TRPM2: variants seen among roughly 807,000 people sequenced by gnomAD.
The protein encoded by TRPM2 is transient receptor potential cation channel subfamily M member 2.
A neutral mutation model predicts 174.0 loss-of-function variants in TRPM2; 161 were observed. That is an observed-to-expected ratio of 0.93 (90% confidence interval 0.81 to 1.05). TRPM2 has a LOEUF of 1.05. Among genes scored for constraint, TRPM2 ranks in the 50% least tolerant of loss-of-function variants. The probability of loss-of-function intolerance (pLI) is 0.00; values close to 1 mark genes in which losing one functional copy is unlikely to be tolerated. For missense variants in TRPM2, 2,057 were observed against 2,038.0 expected (o/e 1.01, Z -0.18); for synonymous variants, 954 against 861.3 (o/e 1.11, Z -1.88).
At chr21:44,388,533 G>C (rs540467894) in intron 9 of TRPM2, among the ~76,000 whole-genome samples, 1 of 151,454 alleles carries the variant, frequency 6.6e-6, no homozygotes, top group African/African-American at 2.4e-5. Context: ...TGAACTGTAC[G>C]CTTAAAAATA....
At chr21:44,421,191 G>A (rs529244715) in intron 22 of TRPM2, among the ~76,000 whole-genome samples, 20 of 152,210 alleles carry the variant, frequency 1.3e-4, no homozygotes, top group African/African-American at 3.9e-4. Flanking sequence ...GGTGGCGTGC[G>A]CTTGTAATCC....
rs561851991 is a variant in TRPM2 at position 44,413,886 on chromosome 21, G to A, written c.2963-5G>A. The A allele has an allele frequency of 1.5e-5, 24 of 1,606,832 alleles. No homozygotes were observed. The highest frequency in any genetic ancestry group is 7.7e-5 in the South Asian group (7 of 90,896). On this transcript the variant is annotated splice_polypyrimidine_tract_variant and splice_region_variant and intron_variant, in intron 19 of 31. Coordinates refer to ENST00000397928, the MANE Select transcript of TRPM2 (RefSeq NM_003307.4). ...TGGCTCACCCACCCCCATTCCCAACGCCAGGTGTGAACTTCAACCCGGAGC... is the reference window on the plus strand; with the variant it reads ...TGGCTCACCCACCCCCATTCCCAACACCAGGTGTGAACTTCAACCCGGAGC...
At chr21:44,412,737 C>T (rs2146325073) in intron 19 of TRPM2, among the ~76,000 whole-genome samples, 1 of 151,984 alleles carries the variant, frequency 6.6e-6, no homozygotes, top group South Asian at 2.1e-4. Flanking sequence ...CTCTTTGATT[C>T]CTAACTTCTT....
intron 18 of TRPM2, 106 bp downstream of exon 18, chr21:44,406,143 G>T (rs886807217): frequency 2.1e-6 from 3 of 1,420,262 alleles, no homozygotes; most frequent in Non-Finnish European, 2.9e-6. Context: ...AAACACACCT[G>T]TAGGTTCCCC....
rs754055260 is a variant in TRPM2, at chr21:44,399,253, T to C, written c.2063-43T>C. On this transcript the variant is annotated intron_variant, in intron 13 of 31. Coordinates refer to ENST00000397928, the MANE Select transcript of TRPM2 (RefSeq NM_003307.4). The surrounding 1 kb of genome is among the most constrained non-coding windows in gnomAD (Gnocchi z 4.6). ...CTGACCCGTCCCCAGGGCTCAGTGA[T>C]TGTGACCTGCTGCTCTGACGGGGCT... 6.3e-7 allele frequency: 1 copy of C among 1,587,908 alleles called. No individual in the cohort carries two copies. Among genetic ancestry groups the C allele is most frequent in the Non-Finnish European group, 8.6e-7 (1 of 1,164,330 alleles).
chr21:44,361,411 C>T (rs1326244306), intron 2 of TRPM2, among the ~76,000 whole-genome samples: 3 of 152,188 alleles, frequency 2.0e-5, no homozygotes, highest in African/African-American at 4.8e-5. Flanking sequence ...CCACACTCGG[C>T]GTTGTGTCAA....
In TRPM2 at chr21:44,413,903, A is replaced by G. The variant is rs753891449; in HGVS notation, c.2975A>G (p.Asn992Ser). 4.3e-6 allele frequency: 7 copies of G among 1,612,040 alleles called. No individual in the cohort carries two copies. The South Asian group carries it at 6.6e-5, about 15-fold the overall frequency. Reference protein sequence around the residue: ...IPGYIDGVNFNPEHCSPNGTD... With the variant: ...IPGYIDGVNFSPEHCSPNGTD... ...TTCCCAACGCCAGGTGTGAACTTCA[A>G]CCCGGAGCACTGCAGCCCCAATGGC... The change falls in exon 20 of 32, where the codon AAC becomes AGC. Residue 992 changes from asparagine (N) to serine (S), a missense_variant. Physicochemically the swap from Asn to Ser is conservative, Grantham distance 46 (BLOSUM62 1). Coordinates refer to ENST00000397928, the MANE Select transcript of TRPM2 (RefSeq NM_003307.4).
rs1019363269 is a variant in TRPM2, at chr21:44,440,990, TG to T, written c.4386+90del. 119 of 1,150,682 alleles carry T rather than the reference TG, an allele frequency of 1.0e-4. No homozygotes were observed. In the African/African-American group the frequency reaches 1.5e-3, roughly 15 times the overall value. 71.3% of individuals were successfully genotyped at this position (1,150,682 alleles called of 1,614,324 possible). On this transcript the variant is annotated intron_variant, in intron 31 of 31. Transcript: ENST00000397928. ...CCTCCGGGGAGGGGGTTGGCAGGGATGGGGGTCTGGATTCTGGCAGGCTGAA... is the reference window on the plus strand; with the variant it reads ...CCTCCGGGGAGGGGGTTGGCAGGGATGGGGTCTGGATTCTGGCAGGCTGAA...
At chr21:44,429,850 C>T (rs1194667357) in intron 27 of TRPM2, among the ~76,000 whole-genome samples, 1 of 152,038 alleles carries the variant, frequency 6.6e-6, no homozygotes, top group Non-Finnish European at 1.5e-5. Flanking sequence ...GTAATATTAA[C>T]AGGCTTCCTT....
chr21:44,387,194 C>T (rs2049040279), intron 9 of TRPM2, among the ~76,000 whole-genome samples: 1 of 152,014 alleles, frequency 6.6e-6, no homozygotes, highest in African/African-American at 2.4e-5. Context: ...TCAAAAAAAT[C>T]CCAAAAAGAT....
In TRPM2 at chr21:44,437,091, G is replaced by T. The variant is rs2051299049; in HGVS notation, c.4091G>T (p.Cys1364Phe). Residue 1364 changes from cysteine (C) to phenylalanine (F), a missense_variant, in exon 29 of 32, where the codon TGC becomes TTC. Physicochemically the swap from Cys to Phe is radical, Grantham distance 205 (BLOSUM62 -2). Coordinates refer to ENST00000397928, the MANE Select transcript of TRPM2 (RefSeq NM_003307.4). ...AGGCGGAACGAGGATGGAGCCATCTGCAGGAAGAGCATAAAGAAGATGCTG... is the reference window on the plus strand; with the variant it reads ...AGGCGGAACGAGGATGGAGCCATCTTCAGGAAGAGCATAAAGAAGATGCTG... ...RWRRNEDGAI[C>F]RKSIKKMLEV... is the part of the protein sequence containing the mutation. 1.3e-6 allele frequency: 2 copies of T among 1,551,170 alleles called. No homozygotes were observed. Among genetic ancestry groups the T allele is most frequent in the East Asian group, 2.4e-5 (1 of 40,900 alleles).
In TRPM2 at chr21:44,353,727, T is replaced by A; in HGVS notation, c.27T>A (p.Ala9=). The A allele has an allele frequency of 6.4e-7, 1 of 1,564,064 alleles. No individual in the cohort carries two copies. The highest frequency in any genetic ancestry group is 2.4e-5 in the East Asian group (1 of 41,182). Residue 9 remains alanine, a synonymous_variant, in exon 1 of 32, where the codon GCT becomes GCA. Coordinates refer to ENST00000397928, the MANE Select transcript of TRPM2 (RefSeq NM_003307.4). MEPSALRK[A]GSEQEEGFEG... ...TGGAGCCCTCAGCCCTGAGGAAAGC[T>A]GGCTCGGAGCAGGAGGAGGGCTTTG...
Position 44,440,647 on chromosome 21 carries a change from G to A in TRPM2, c.4270-142G>A, listed in dbSNP as rs924372456. ...GCCTTGCAGGCCCAGGCAGGCTGGC[G>A]GGGGCTGGGGAGAGCTGGGCCGGGG... On this transcript the variant is annotated intron_variant, in intron 30 of 31. Coordinates refer to ENST00000397928, the MANE Select transcript of TRPM2 (RefSeq NM_003307.4). 2.5e-5 allele frequency: 18 copies of A among 731,588 alleles called. No homozygotes were observed. The East Asian group carries it at 4.1e-4, about 17-fold the overall frequency. 45.3% of individuals were successfully genotyped at this position (731,588 alleles called of 1,614,324 possible).
rs576003315 is a variant in TRPM2 at position 44,391,868 on chromosome 21, A to C, written c.1794+243A>C. On this transcript the variant is annotated intron_variant, in intron 11 of 31. Transcript: ENST00000397928. This position sits in a 1 kb window ranked among gnomAD's most constrained non-coding sequence, Gnocchi z 5.0. ...GCACCAGCAGGGCTGGCTTCTGGCC[A>C]GGGCCTCTTCTTGCTTGCACGTGGC... Among the ~76,000 whole-genome samples, 134 of 152,354 alleles carry C rather than the reference A, an allele frequency of 8.8e-4. No individual in the cohort carries two copies. The highest frequency in any genetic ancestry group is 3.1e-3 in the African/African-American group (130 of 41,586).
chr21:44,423,804 G>A, intron 23 of TRPM2, 72 bp downstream of exon 23: 2 of 1,302,218 alleles, frequency 1.5e-6, no homozygotes, highest in African/African-American at 1.5e-5. Context: ...GCCATGTGGT[G>A]GCACCAAGAA....
Position 44,405,888 on chromosome 21 carries a change from T to C in TRPM2, c.2658-17T>C. ...GAGCAGGTGGCTGAGATGTGTGTGC[T>C]TCTGCCCGGCGGCCAGGCTCATCCC... On this transcript the variant is annotated splice_polypyrimidine_tract_variant and intron_variant, in intron 17 of 31. Coordinates refer to ENST00000397928, the MANE Select transcript of TRPM2 (RefSeq NM_003307.4). 1.3e-6 allele frequency: 2 copies of C among 1,597,944 alleles called. No homozygotes were observed. Among genetic ancestry groups the C allele is most frequent in the Non-Finnish European group, 1.7e-6 (2 of 1,178,224 alleles).
chr21:44,413,688 G>A (rs2050181019), intron 19 of TRPM2, among the ~76,000 whole-genome samples: 1 of 152,190 alleles, frequency 6.6e-6, no homozygotes, highest in Non-Finnish European at 1.5e-5. Context: ...TGCCCCCGGG[G>A]CCTCCTACCT....
rs759666751 is a variant in TRPM2, at chr21:44,441,791, G to A, written c.4486G>A (p.Ala1496Thr). 2.5e-6 allele frequency: 4 copies of A among 1,610,234 alleles called. No homozygotes were observed. In the East Asian group the frequency reaches 6.7e-5, roughly 27 times the overall value. Residue 1496 changes from alanine to threonine, a missense_variant, in exon 32 of 32, where the codon GCC becomes ACC. Physicochemically the swap from Ala to Thr is moderately conservative, Grantham distance 58. Transcript: ENST00000397928. ...CCACAAGACCCTCCTCCAGAAGGCA[G>A]CCGCTGAGTTCGGGGCTCACTACTG... The part of the protein sequence containing the change: ...ANHKTLLQKA[A>T]AEFGAHY
intron 22 of TRPM2, among the ~76,000 whole-genome samples, chr21:44,419,572 G>A (rs201691471): frequency 9.5e-5 from 14 of 146,868 alleles, no homozygotes; most frequent in East Asian, 2.1e-4. Flanking sequence ...TGGTGGTGGT[G>A]GTGATGGTAG....
Sources: gnomAD v4.1 joint callset for allele counts (sites outside exome capture counted in the v4.1 genomes callset) on GRCh38, gnomAD v4.1.1 for gene constraint, Gnocchi (gnomAD v3.1) non-coding constraint, MANE v1.5 for transcripts, NCBI Gene and HGNC (gene_info 2026-07-23, HGNC 2026-07-21) for gene names.